OXCT1: variants seen among roughly 807,000 people sequenced by gnomAD.
OXCT1 encodes the protein 3-oxoacid CoA-transferase 1.
Under a neutral mutation model 69.6 loss-of-function variants are expected in OXCT1, and 27 were observed. That is an observed-to-expected ratio of 0.39 (90% CI 0.29 to 0.54). The LOEUF is 0.54. Among genes scored for constraint, OXCT1 ranks in the 20% least tolerant of loss-of-function variants. The pLI is 0.72. For missense variants in OXCT1, 437 were observed against 650.2 expected, an observed-to-expected ratio of 0.67 and a Z score of 3.57; for synonymous variants, 202 against 217.8, an observed-to-expected ratio of 0.93 and a Z score of 0.64.
intron 11 of OXCT1, among the ~76,000 whole-genome samples, chr5:41,796,387 G>A (rs549773596): frequency 1.3e-5 from 2 of 152,114 alleles, no homozygotes; most frequent in East Asian, 3.9e-4. Flanking sequence ...AGTATAATAG[G>A]GCAGACAAAA....
At chr5:41,794,474 G>T (rs1046235774) in intron 12 of OXCT1, 9 of 615,872 alleles carry the variant, frequency 1.5e-5, no homozygotes, top group Non-Finnish European at 2.6e-5. Context: ...ATTCCATTTT[G>T]GGGGTTCTTT....
intron 3 of OXCT1, among the ~76,000 whole-genome samples, chr5:41,859,864 A>AATATATATATATATATATATATTATAT (rs3050894): frequency 8.3e-6 from 1 of 120,116 alleles, no homozygotes; most frequent in South Asian, 2.9e-4. Flanking sequence ...CTAGTATAGT[A>AATATATATATATATATATATATTATAT]ATATATATAT....
chr5:41,847,145 C>A (rs1220606915), intron 5 of OXCT1, among the ~76,000 whole-genome samples: 1 of 151,732 alleles, frequency 6.6e-6, no homozygotes, highest in African/African-American at 2.4e-5. Context: ...GAGAATACTA[C>A]AAACACCTCT....
chr5:41,849,216 A>T (rs1749067574), intron 5 of OXCT1, among the ~76,000 whole-genome samples: 1 of 152,140 alleles, frequency 6.6e-6, no homozygotes, highest in Non-Finnish European at 1.5e-5. Context: ...TAGGAATGGG[A>T]GGGGCACAGC....
intron 13 of OXCT1, among the ~76,000 whole-genome samples, chr5:41,777,542 T>C (rs1343650911): frequency 6.6e-6 from 1 of 152,196 alleles, no homozygotes; most frequent in Non-Finnish European, 1.5e-5. Context: ...CCATAAAAGA[T>C]GCTTCCTATT....
intron 7 of OXCT1, among the ~76,000 whole-genome samples, chr5:41,817,971 T>A (rs1747329653): frequency 1.3e-5 from 2 of 152,226 alleles, no homozygotes; most frequent in Non-Finnish European, 2.9e-5. Flanking sequence ...TAAGGCATTT[T>A]TGCTTTCTTA....
rs760933989 is a variant in OXCT1 at position 41,850,203 on chromosome 5, C to T, written c.415-24G>A. ...CCCTGCAAGTGAGCAACCAACACCC[C>T]ATAAGTTCACTAAGCACACTTCTCT... On this transcript the variant is annotated intron_variant, in intron 4 of 16. Transcript: ENST00000196371. 5 of 1,612,516 alleles carry T rather than the reference C, an allele frequency of 3.1e-6. No individual in the cohort carries two copies. The South Asian group carries it at 5.5e-5, about 18-fold the overall frequency.
intron 1 of OXCT1, among the ~76,000 whole-genome samples, chr5:41,869,516 G>A (rs1255710265): frequency 6.6e-6 from 1 of 152,236 alleles, no homozygotes; most frequent in African/African-American, 2.4e-5. Context: ...ACTCGGTGGA[G>A]AGTCGGCAGT....
rs529394780 is a variant in OXCT1, at chr5:41,781,925, G to A, written c.1248+12078C>T. On this transcript the variant is annotated intron_variant, in intron 13 of 16. Transcript: ENST00000196371. The stretch of plus-strand genomic sequence containing the variant: ...GTGCAGTAATGAACATAACACACAC[G>A]TTTCTTTATAACAGAATGATTTATG... Among the ~76,000 whole-genome samples the A allele has an allele frequency of 9.2e-5, 14 of 152,158 alleles. No individual in the cohort carries two copies. The South Asian group carries it at 1.4e-3, about 16-fold the overall frequency.
chr5:41,799,732 A>T (rs935678432), intron 11 of OXCT1, among the ~76,000 whole-genome samples: 22 of 152,330 alleles, frequency 1.4e-4, no homozygotes, highest in African/African-American at 4.1e-4. Context: ...CAGTACAATT[A>T]AATTACAGCC....
At position 41,853,571 on chromosome 5, in the gene OXCT1, G is replaced by A. The variant is rs777140490; in HGVS notation, c.279-17C>T. On this transcript the variant is annotated splice_polypyrimidine_tract_variant and intron_variant, in intron 3 of 16. Coordinates refer to ENST00000196371, the MANE Select transcript of OXCT1 (RefSeq NM_000436.4). ...TTGTCAACCCTAGAAGGAAAATGAA[G>A]GGAGCTTACCAAAGAGCATCTGACA... 1 of 1,612,898 alleles carries A rather than the reference G, an allele frequency of 6.2e-7. No individual in the cohort carries two copies. Among genetic ancestry groups the A allele is most frequent in the South Asian group, 1.1e-5 (1 of 91,050 alleles).
At chr5:41,768,994 T>C (rs1022696258) in intron 13 of OXCT1, among the ~76,000 whole-genome samples, 13 of 152,288 alleles carry the variant, frequency 8.5e-5, no homozygotes, top group African/African-American at 2.9e-4. Flanking sequence ...CCCACATGCC[T>C]TGAGGTTTCT....
intron 6 of OXCT1, among the ~76,000 whole-genome samples, chr5:41,841,705 T>C (rs1192790928): frequency 6.6e-6 from 1 of 152,216 alleles, no homozygotes; most frequent in Non-Finnish European, 1.5e-5. Flanking sequence ...TTAATCTTTT[T>C]TAAAAAGCAA....
chr5:41,838,113 C>A (rs1748457824), intron 7 of OXCT1, among the ~76,000 whole-genome samples: 1 of 152,110 alleles, frequency 6.6e-6, no homozygotes, highest in Admixed American at 6.5e-5. Flanking sequence ...CTATGACTCC[C>A]ATAAAAGAAA....
intron 8 of OXCT1, among the ~76,000 whole-genome samples, chr5:41,806,854 C>T (rs886339308): frequency 2.6e-5 from 4 of 152,078 alleles, no homozygotes; most frequent in African/African-American, 9.7e-5. Flanking sequence ...GGTACCTACA[C>T]TCCTTGCCAC....
chr5:41,844,633 CT>C (rs1431232092), intron 5 of OXCT1, among the ~76,000 whole-genome samples: 2 of 152,038 alleles, frequency 1.3e-5, no homozygotes, highest in Non-Finnish European at 1.5e-5. Flanking sequence ...AGACTCTCCC[CT>C]GATATGACGT....
chr5:41,809,199 A>G (rs1302603545), intron 7 of OXCT1, among the ~76,000 whole-genome samples: 1 of 152,104 alleles, frequency 6.6e-6, no homozygotes, highest in East Asian at 1.9e-4. Flanking sequence ...AAAAGGAAAC[A>G]CACGGAAATG....
chr5:41,789,958 T>C (rs1374850135), intron 13 of OXCT1, among the ~76,000 whole-genome samples: 2 of 152,220 alleles, frequency 1.3e-5, no homozygotes, highest in African/African-American at 2.4e-5. Context: ...CCAATCAATT[T>C]TATGTGCTCA....
At chr5:41,782,906 A>G (rs1745478236) in intron 13 of OXCT1, among the ~76,000 whole-genome samples, 1 of 152,200 alleles carries the variant, frequency 6.6e-6, no homozygotes, top group Non-Finnish European at 1.5e-5. Flanking sequence ...GAGCTGAGTC[A>G]CTTCATTTCT....
Sources: allele counts gnomAD v4.1 joint callset (sites outside exome capture counted in the v4.1 genomes callset), GRCh38; gene constraint gnomAD v4.1.1; transcripts MANE v1.5; gene names NCBI Gene and HGNC (gene_info 2026-07-23, HGNC 2026-07-21).